NHS: variants seen among roughly 807,000 people sequenced by gnomAD.
NHS encodes actin remodeling regulator NHS.
In NHS, 5 loss-of-function variants were observed where a neutral mutation model predicts 72.5. The observed-to-expected ratio is 0.07, with a 90% CI of 0.04 to 0.14. The LOEUF (loss-of-function observed/expected upper bound fraction) is 0.14, where lower values mean the gene tolerates loss of function less well. Ranked by LOEUF, NHS falls within the 10% of genes least tolerant of loss-of-function variation. NHS has a pLI of 1.00. For missense variants in NHS, 1,072 were observed against 1,355.7 expected (o/e 0.79, Z 3.29); for synonymous variants, 464 against 547.7 (o/e 0.85, Z 2.13).
At chrX:17,480,424 C>T (rs2064941706) in intron 1 of NHS, among the ~76,000 whole-genome samples, 1 of 111,413 alleles carries the variant, frequency 9.0e-6, no homozygotes, top group Non-Finnish European at 1.9e-5. Flanking sequence ...CTACTGGTAC[C>T]AAAACAGATA....
At chrX:17,516,571 G>GCACACACACACACACACGCGCA (rs2065121872) in intron 1 of NHS, among the ~76,000 whole-genome samples, 2 of 91,764 alleles carry the variant, frequency 2.2e-5, no homozygotes, top group Non-Finnish European at 4.2e-5. Context: ...ACACACACGC[G>GCACACACACACACACACGCGCA]CACACACACA....
chrX:17,697,819 G>A lies in NHS; in HGVS notation c.852+5351G>A, dbSNP rs1601841906. On this transcript the variant is annotated intron_variant, in intron 3 of 8. Coordinates refer to ENST00000676302, the MANE Select transcript of NHS (RefSeq NM_001291867.2). Reference sequence around the variant, plus strand: ...TTGATCACTGTCTAGGCAATAAGTGGCTGTTAAAGGATACCAATAAGAACT... The same window carrying A: ...TTGATCACTGTCTAGGCAATAAGTGACTGTTAAAGGATACCAATAAGAACT... Among the ~76,000 whole-genome samples the A allele has an allele frequency of 3.6e-5, 4 of 110,392 alleles. No homozygotes were observed. In the Admixed American group the frequency reaches 3.9e-4, roughly 11 times the overall value.
intron 1 of NHS, among the ~76,000 whole-genome samples, chrX:17,588,553 C>T (rs753340414): frequency 9.2e-6 from 1 of 109,183 alleles, no homozygotes; most frequent in African/African-American, 3.3e-5. Flanking sequence ...CATAGACTCA[C>T]GAAAGAGCTT....
chrX:17,406,927 C>A (rs2064531980), intron 1 of NHS, among the ~76,000 whole-genome samples: 1 of 112,096 alleles, frequency 8.9e-6, no homozygotes, highest in Non-Finnish European at 1.9e-5. Flanking sequence ...GGATGAGTTG[C>A]TTACCTCACA....
intron 5 of NHS, 77 bp from the exon 6 acceptor site, chrX:17,724,222 A>G (rs1322213766): frequency 1.1e-5 from 13 of 1,171,795 alleles, no homozygotes; most frequent in Admixed American, 2.2e-5. Flanking sequence ...TTCCCGTCAA[A>G]AATATCACTG....
chrX:17,497,526 A>C (rs1233070524), intron 1 of NHS, among the ~76,000 whole-genome samples: 1 of 112,121 alleles, frequency 8.9e-6, no homozygotes, highest in Non-Finnish European at 1.9e-5. Context: ...AAGAAATAAA[A>C]TGTTAGTTAG....
intron 1 of NHS, among the ~76,000 whole-genome samples, chrX:17,619,621 T>C (rs79384053): frequency 0.1 from 11,472 of 111,841 alleles, 1,506 homozygotes; most frequent in African/African-American, 0.35. Context: ...ATTTTCTGGT[T>C]TGAGTCAGCT....
intron 1 of NHS, among the ~76,000 whole-genome samples, chrX:17,683,019 A>G (rs2066139043): frequency 9.0e-6 from 1 of 111,698 alleles, no homozygotes; most frequent in African/African-American, 3.3e-5. Context: ...AAGTTAGCTC[A>G]TTTCAGAGGA....
intron 1 of NHS, among the ~76,000 whole-genome samples, chrX:17,405,332 G>A (rs2064524501): frequency 1.8e-5 from 2 of 112,436 alleles, no homozygotes; most frequent in Non-Finnish European, 3.8e-5. Context: ...CAGGCTTGGT[G>A]AGCAAGTAGT....
At chrX:17,624,020 C>T (rs1188500893) in intron 1 of NHS, among the ~76,000 whole-genome samples, 1 of 113,037 alleles carries the variant, frequency 8.8e-6, no homozygotes, top group Non-Finnish European at 1.9e-5. Flanking sequence ...CCAGCTTCAA[C>T]GTGTGACAGA....
At chrX:17,558,814 G>T (rs1306662817) in intron 1 of NHS, among the ~76,000 whole-genome samples, 1 of 112,279 alleles carries the variant, frequency 8.9e-6, no homozygotes, top group Non-Finnish European at 1.9e-5. Flanking sequence ...AAATTGTTTT[G>T]AAGGGTGACA....
intron 1 of NHS, among the ~76,000 whole-genome samples, chrX:17,417,760 A>G (rs1299628519): frequency 8.9e-6 from 1 of 112,430 alleles, no homozygotes; most frequent in African/African-American, 3.2e-5. Context: ...GGCATTAAAG[A>G]CATGTTCATA....
At chrX:17,571,537 G>A (rs1331263317) in intron 1 of NHS, among the ~76,000 whole-genome samples, 3 of 110,893 alleles carry the variant, frequency 2.7e-5, no homozygotes, top group Non-Finnish European at 5.7e-5. Flanking sequence ...ATTTTTTATT[G>A]CATCTATTTG....
chrX:17,544,408 A>T (rs1391723916), intron 1 of NHS, among the ~76,000 whole-genome samples: 1 of 112,498 alleles, frequency 8.9e-6, no homozygotes, highest in Non-Finnish European at 1.9e-5. Flanking sequence ...ATTTGTCTGG[A>T]TGGTGCAATG....
At chrX:17,533,118 C>T (rs1346007785) in intron 1 of NHS, among the ~76,000 whole-genome samples, 1 of 112,046 alleles carries the variant, frequency 8.9e-6, no homozygotes, top group East Asian at 2.8e-4. Context: ...CTGCCCCGCC[C>T]ACCACACAGG....
At chrX:17,723,726 G>GGTGTGTGTGTGTGCGT (rs2066419156) in intron 5 of NHS, among the ~76,000 whole-genome samples, 1 of 71,075 alleles carries the variant, frequency 1.4e-5, no homozygotes, top group Non-Finnish European at 2.5e-5. Context: ...CAGCAAAAGA[G>GGTGTGTGTGTGTGCGT]GTGTGTGTGT....
chrX:17,732,656 AT>A lies in NHS; in HGVS notation c.*196del. The A allele has an allele frequency of 1.8e-6, 1 of 546,549 alleles. No homozygotes were observed. 45.0% of individuals were successfully genotyped at this position (546,549 alleles called of 1,213,427 possible). ...TTAGACATTCTTGATTAGTTTCCATATTTTAAGTAGCTGCAGTCTTTCATGT... is the reference window on the plus strand; with the variant it reads ...TTAGACATTCTTGATTAGTTTCCATATTTAAGTAGCTGCAGTCTTTCATGT... On this transcript the variant is annotated 3_prime_UTR_variant, in exon 9 of 9. Transcript: ENST00000676302.
In NHS at chrX:17,375,306, G is replaced by T. The variant is rs1026280024; in HGVS notation, c.-452G>T. ...GCGCGCGGGGAGAGGCCTGCGCCGG[G>T]GTACTTTCAAACTGAGGCGCGCGCA... is the stretch of plus-strand genomic sequence containing the variant. On this transcript the variant is annotated 5_prime_UTR_variant, in exon 1 of 9. Coordinates refer to ENST00000676302, the MANE Select transcript of NHS (RefSeq NM_001291867.2). 2 of 296,298 alleles carry T rather than the reference G, an allele frequency of 6.7e-6. No individual in the cohort carries two copies. Among genetic ancestry groups the T allele is most frequent in the African/African-American group, 5.5e-5 (2 of 36,517 alleles). The allele number at this position is 296,298 out of a possible 1,213,427, so 24.4% of individuals were successfully genotyped here. A position where few individuals can be genotyped will look rare whatever the true frequency, so the allele number is the denominator to read the frequency against.
chrX:17,647,832 G>A (rs1052504463), intron 1 of NHS, among the ~76,000 whole-genome samples: 3 of 111,784 alleles, frequency 2.7e-5, no homozygotes, highest in South Asian at 3.7e-4. Context: ...AAATCAAGCT[G>A]CCAAGCCCAG....
Sources: gnomAD v4.1 joint callset for allele counts (sites outside exome capture counted in the v4.1 genomes callset) on GRCh38, gnomAD v4.1.1 for gene constraint, MANE v1.5 for transcripts, NCBI Gene and HGNC (gene_info 2026-07-23, HGNC 2026-07-21) for gene names.